The following LYRM4 variants were observed in gnomAD, a reference collection of about 807,000 sequenced individuals.
The protein encoded by LYRM4 is LYR motif-containing protein 4.
In LYRM4, 9 loss-of-function variants were observed where a neutral mutation model predicts 11.7. That is an observed-to-expected ratio of 0.77 (90% confidence interval 0.46 to 1.34). LYRM4 has a LOEUF of 1.34. Among genes scored for constraint, LYRM4 ranks in the 40% most tolerant of loss-of-function variants. The probability of loss-of-function intolerance (pLI) is 0.00; values close to 1 mark genes in which losing one functional copy is unlikely to be tolerated. For missense variants in LYRM4, 133 were observed against 112.5 expected (o/e 1.18, Z -0.82); for synonymous variants, 42 against 40.4 (o/e 1.04, Z -0.15).
the LYRM4 span, among the ~76,000 whole-genome samples, chr6:5,081,386 G>T: frequency 2.0e-5 from 3 of 152,150 alleles, no homozygotes; most frequent in Non-Finnish European, 4.4e-5. Context: ...AGGAGGCAAG[G>T]GGGAGGACCC....
chr6:5,242,184 T>A (rs1430068376), intron 1 of LYRM4, among the ~76,000 whole-genome samples: 1 of 151,714 alleles, frequency 6.6e-6, no homozygotes, highest in Non-Finnish European at 1.5e-5. Context: ...GCGATTCTCC[T>A]GCCTCAGCCT....
At chr6:5,049,231 C>A in the LYRM4 span, among the ~76,000 whole-genome samples, 1 of 152,156 alleles carries the variant, frequency 6.6e-6, no homozygotes, top group Non-Finnish European at 1.5e-5. Flanking sequence ...GCTGCATCCT[C>A]TTCTCCAGAG....
chr6:5,254,660 G>A (rs781283879), intron 1 of LYRM4, among the ~76,000 whole-genome samples: 11 of 152,026 alleles, frequency 7.2e-5, no homozygotes, highest in Non-Finnish European at 1.6e-4. Flanking sequence ...CTTATCTCCC[G>A]CTTAACCCAG....
intron 1 of LYRM4, among the ~76,000 whole-genome samples, chr6:5,232,620 T>C (rs1413097967): frequency 7.9e-5 from 12 of 152,228 alleles, no homozygotes; most frequent in Admixed American, 4.6e-4. Flanking sequence ...GTTTGGATGT[T>C]GTCCTTAAGT....
At chr6:5,247,321 T>C (rs1289206318) in intron 1 of LYRM4, among the ~76,000 whole-genome samples, 1 of 152,178 alleles carries the variant, frequency 6.6e-6, no homozygotes, top group Non-Finnish European at 1.5e-5. Context: ...ATGCAGTGAG[T>C]GCTCAAACAA....
At chr6:5,124,679 G>C (rs1763622241) in intron 2 of LYRM4, among the ~76,000 whole-genome samples, 1 of 152,160 alleles carries the variant, frequency 6.6e-6, no homozygotes, top group Non-Finnish European at 1.5e-5. Context: ...TCCTGACAGG[G>C]GCGGGCCCTC....
chr6:5,035,600 C>T, the LYRM4 span, among the ~76,000 whole-genome samples: 2 of 14 alleles, frequency 0.14, 1 homozygote, highest in Non-Finnish European at 0.5. Context: ...CTCCCTTCCC[C>T]TCCTCCCCTC....
intron 2 of LYRM4, among the ~76,000 whole-genome samples, chr6:5,164,570 T>C (rs1758958075): frequency 6.6e-6 from 1 of 152,078 alleles, no homozygotes; most frequent in Non-Finnish European, 1.5e-5. Context: ...TGCTGATTGG[T>C]GGTGGAGTAT....
the LYRM4 span, among the ~76,000 whole-genome samples, chr6:5,080,509 T>C: frequency 6.1e-3 from 932 of 152,358 alleles, 7 homozygotes; most frequent in Admixed American, 0.011. Flanking sequence ...TTTTGTTACT[T>C]GGCCAAGTTA....
At chr6:5,170,243 C>G (rs1414381518) in intron 2 of LYRM4, among the ~76,000 whole-genome samples, 1 of 152,126 alleles carries the variant, frequency 6.6e-6, no homozygotes, top group Non-Finnish European at 1.5e-5. Flanking sequence ...CCCAGAAAAC[C>G]TACTGGAATT....
intron 2 of LYRM4, among the ~76,000 whole-genome samples, chr6:5,143,575 TA>T (rs1261674583): frequency 6.6e-6 from 1 of 151,946 alleles, no homozygotes; most frequent in African/African-American, 2.4e-5. Context: ...CAGAACTGGT[TA>T]AAAAAAAGCC....
chr6:5,092,089 A>C, the LYRM4 span, among the ~76,000 whole-genome samples: 1 of 152,244 alleles, frequency 6.6e-6, no homozygotes, highest in Admixed American at 6.5e-5. Flanking sequence ...ACTAAGCTTG[A>C]AACATTTCAT....
At chr6:5,168,905 A>G (rs558190083) in intron 2 of LYRM4, among the ~76,000 whole-genome samples, 1 of 152,248 alleles carries the variant, frequency 6.6e-6, no homozygotes, top group African/African-American at 2.4e-5. Flanking sequence ...GACGGTGATA[A>G]AGGAGAGGGA....
At chr6:5,172,360 C>T (rs1404886565) in intron 2 of LYRM4, among the ~76,000 whole-genome samples, 2 of 152,152 alleles carry the variant, frequency 1.3e-5, no homozygotes, top group African/African-American at 2.4e-5. Context: ...GAGGATTTGT[C>T]GGTGCATTTC....
intron 2 of LYRM4, among the ~76,000 whole-genome samples, chr6:5,111,118 G>A (rs12111219): frequency 0.18 from 27,390 of 152,058 alleles, 2,689 homozygotes; most frequent in African/African-American, 0.24. Flanking sequence ...ACCCTGAATA[G>A]TACATGGTTT....
the LYRM4 span, among the ~76,000 whole-genome samples, chr6:5,064,524 C>A: frequency 6.6e-6 from 1 of 152,098 alleles, no homozygotes. Flanking sequence ...GACATTGATA[C>A]ATTCTTTTGT....
chr6:5,239,611 T>C (rs1763752863), intron 1 of LYRM4, among the ~76,000 whole-genome samples: 1 of 151,922 alleles, frequency 6.6e-6, no homozygotes. Context: ...AGAAAGAAGC[T>C]GGAGACTGGT....
At chr6:5,200,380 T>C (rs1761318926) in intron 2 of LYRM4, among the ~76,000 whole-genome samples, 1 of 152,186 alleles carries the variant, frequency 6.6e-6, no homozygotes, top group South Asian at 2.1e-4. Flanking sequence ...AAGGATATTG[T>C]CTTGTGATAT....
intron 2 of LYRM4, among the ~76,000 whole-genome samples, chr6:5,149,449 A>C (rs1157133904): frequency 6.6e-6 from 1 of 152,192 alleles, no homozygotes; most frequent in Non-Finnish European, 1.5e-5. Context: ...TGGTTAACCA[A>C]GGTCAGATAG....
Sources: allele counts gnomAD v4.1 joint callset (sites outside exome capture counted in the v4.1 genomes callset), GRCh38; gene constraint gnomAD v4.1.1; transcripts MANE v1.5; gene names NCBI Gene and HGNC (gene_info 2026-07-23, HGNC 2026-07-21).